The following KIAA1958 variants were observed in gnomAD, a reference collection of about 807,000 sequenced individuals.
KIAA1958 encodes the protein KIAA1958.
Under a neutral mutation model 47.2 loss-of-function variants are expected in KIAA1958, and 14 were observed. That is an observed-to-expected ratio of 0.30 (90% confidence interval 0.20 to 0.46). The LOEUF (loss-of-function observed/expected upper bound fraction) is 0.46, where lower values mean the gene tolerates loss of function less well. Among genes scored for constraint, KIAA1958 ranks in the 20% least tolerant of loss-of-function variants. The pLI, the probability that KIAA1958 is intolerant of heterozygous loss-of-function variation, is 1.00. For synonymous variants in KIAA1958, 354 were observed against 353.3 expected, an observed-to-expected ratio of 1.00 and a Z score of -0.02; for missense variants, 803 against 909.2, an observed-to-expected ratio of 0.88 and a Z score of 1.50.
chr9:112,613,977 T>C (rs1190547892), intron 2 of KIAA1958, among the ~76,000 whole-genome samples: 1 of 152,230 alleles, frequency 6.6e-6, no homozygotes, highest in Non-Finnish European at 1.5e-5. Context: ...ATGGCAGTTT[T>C]ATTGGAAATA....
intron 1 of KIAA1958, among the ~76,000 whole-genome samples, chr9:112,544,382 G>A (rs1253711904): frequency 1.3e-5 from 2 of 152,200 alleles, no homozygotes; most frequent in Non-Finnish European, 1.5e-5. Flanking sequence ...CTTAGTTGTT[G>A]GCATTTCTAG....
chr9:112,624,903 A>G (rs534821673), intron 2 of KIAA1958, among the ~76,000 whole-genome samples: 2 of 152,306 alleles, frequency 1.3e-5, no homozygotes, highest in East Asian at 1.9e-4. Flanking sequence ...GTGATTTTCA[A>G]TGCTGTGAAG....
At position 112,666,742 on chromosome 9, in the gene KIAA1958, A is replaced by G. The variant is rs1327040122; in HGVS notation, c.*6673A>G. ...CTGTGAAATTAAAAACATGAAAGCT[A>G]TTTAGTACTTGTCCTCTTCCCCAAT... On this transcript the variant is annotated 3_prime_UTR_variant, in exon 4 of 4. Transcript: ENST00000337530. 4 of 152,200 alleles carry G rather than the reference A, an allele frequency of 2.6e-5. No homozygotes were observed. Among genetic ancestry groups the G allele is most frequent in the Admixed American group, 2.0e-4 (3 of 15,278 alleles). The allele number at this position is 152,200 out of a possible 1,614,324, so 9.4% of individuals were successfully genotyped here.
chr9:112,526,796 CA>C (rs1834665617), intron 1 of KIAA1958, among the ~76,000 whole-genome samples: 1 of 152,214 alleles, frequency 6.6e-6, no homozygotes, highest in Non-Finnish European at 1.5e-5. Context: ...AATACTGTTA[CA>C]CTAGCAATTA....
At chr9:112,562,201 T>C (rs1236436406) in intron 1 of KIAA1958, among the ~76,000 whole-genome samples, 1 of 152,264 alleles carries the variant, frequency 6.6e-6, no homozygotes, top group African/African-American at 2.4e-5. Flanking sequence ...AAGCCCCTAA[T>C]TTCAGGTGAG....
chr9:112,642,559 C>T (rs143857514), intron 2 of KIAA1958, among the ~76,000 whole-genome samples: 4 of 152,276 alleles, frequency 2.6e-5, no homozygotes, highest in African/African-American at 7.2e-5. Flanking sequence ...TAAGGGCATC[C>T]GCAGCCTAAA....
intron 2 of KIAA1958, among the ~76,000 whole-genome samples, chr9:112,584,862 C>T (rs761723684): frequency 1.3e-5 from 2 of 152,182 alleles, no homozygotes; most frequent in African/African-American, 4.8e-5. Flanking sequence ...GGGTTGGCGA[C>T]CAGCATGCAC....
At chr9:112,585,526 G>A (rs1318916815) in intron 2 of KIAA1958, among the ~76,000 whole-genome samples, 4 of 152,196 alleles carry the variant, frequency 2.6e-5, no homozygotes, top group Admixed American at 6.5e-5. Context: ...TGTCCTCCAC[G>A]GGGCTCAGGG....
intron 2 of KIAA1958, among the ~76,000 whole-genome samples, chr9:112,579,472 G>A (rs143580621): frequency 1.8e-4 from 27 of 152,044 alleles, no homozygotes; most frequent in Middle Eastern, 3.4e-3. Flanking sequence ...TATTTTTGCA[G>A]GTAGTCAGGT....
intron 2 of KIAA1958, among the ~76,000 whole-genome samples, chr9:112,628,269 T>C (rs1436454802): frequency 6.6e-6 from 1 of 152,194 alleles, no homozygotes; most frequent in Non-Finnish European, 1.5e-5. Flanking sequence ...CTGTCACATA[T>C]GCAGCAACAG....
chr9:112,539,534 G>A (rs1834906227), intron 1 of KIAA1958, among the ~76,000 whole-genome samples: 1 of 151,952 alleles, frequency 6.6e-6, no homozygotes, highest in South Asian at 2.1e-4. Context: ...GTTGGGAGGG[G>A]GTAATTAGGT....
At chr9:112,578,379 A>G (rs1835685258) in intron 2 of KIAA1958, among the ~76,000 whole-genome samples, 1 of 152,208 alleles carries the variant, frequency 6.6e-6, no homozygotes, top group East Asian at 1.9e-4. Flanking sequence ...CGTACTTGGG[A>G]CTAAGCAAAG....
chr9:112,648,312 GA>G (rs1837009814), intron 3 of KIAA1958, among the ~76,000 whole-genome samples: 1 of 152,136 alleles, frequency 6.6e-6, no homozygotes. Flanking sequence ...CTGAATTAAG[GA>G]AATGGAGCTG....
rs745431005 is a variant in KIAA1958, at chr9:112,574,210, C to T, written c.130C>T (p.Leu44=). ...HLLSEGSHGN[L]TAMWGCSAGH... is the part of the protein sequence containing the mutation. ...GCTTTCTGAAGGTTCCCATGGGAAC[C>T]TGACAGCAATGTGGGGCTGTAGTGC... Residue 44 remains leucine (L), a synonymous_variant, in exon 2 of 4, where the codon CTG becomes TTG. Transcript: ENST00000337530. 5 of 1,614,138 alleles carry T rather than the reference C, an allele frequency of 3.1e-6. No individual in the cohort carries two copies. The Middle Eastern group carries it at 6.6e-4, about 213-fold the overall frequency.
In KIAA1958 at chr9:112,487,055, C is replaced by A; in HGVS notation, c.-88C>A. The A allele has an allele frequency of 4.5e-6, 1 of 223,448 alleles. No homozygotes were observed. Among genetic ancestry groups the A allele is most frequent in the Non-Finnish European group, 9.1e-6 (1 of 110,178 alleles). The allele number at this position is 223,448 out of a possible 1,614,324, so 13.8% of individuals were successfully genotyped here. A position where few individuals can be genotyped will look rare whatever the true frequency, so the allele number is the denominator to read the frequency against. Reference sequence around the variant, plus strand: ...GCCCGTCCCGTCCAGCCCGGGCTGCCCGGCTCTCGCAGGCCCCCCCGCGCC... The same window carrying A: ...GCCCGTCCCGTCCAGCCCGGGCTGCACGGCTCTCGCAGGCCCCCCCGCGCC... On this transcript the variant is annotated 5_prime_UTR_variant, in exon 1 of 4. Transcript: ENST00000337530.
In KIAA1958 at chr9:112,663,205, A is replaced by AG. The variant is rs1450220821; in HGVS notation, c.*3136_*3137insG. Reference sequence around the variant, plus strand: ...AGCTGTTGTCCACAGCACCTTTCATATCTGCTGTAAAGGGAGCCCTACTTT... The same window carrying AG: ...AGCTGTTGTCCACAGCACCTTTCATAGTCTGCTGTAAAGGGAGCCCTACTTT... On this transcript the variant is annotated 3_prime_UTR_variant, in exon 4 of 4. Transcript: ENST00000337530. 6.6e-6 allele frequency: 1 copy of AG among 152,188 alleles called. No individual in the cohort carries two copies. Among genetic ancestry groups the AG allele is most frequent in the Non-Finnish European group, 1.5e-5 (1 of 68,132 alleles). 9.4% of individuals were successfully genotyped at this position (152,188 alleles called of 1,614,324 possible). A position where few individuals can be genotyped will look rare whatever the true frequency, so the allele number is the denominator to read the frequency against.
chr9:112,626,721 C>T (rs534946592), intron 2 of KIAA1958, among the ~76,000 whole-genome samples: 2 of 151,746 alleles, frequency 1.3e-5, no homozygotes, highest in South Asian at 4.1e-4. Flanking sequence ...CTCAGATTAA[C>T]TTTATCTAAC....
intron 1 of KIAA1958, among the ~76,000 whole-genome samples, 187 bp from the exon 2 acceptor site, chr9:112,573,870 A>G (rs1002182288): frequency 6.6e-6 from 1 of 152,150 alleles, no homozygotes; most frequent in Non-Finnish European, 1.5e-5. Flanking sequence ...ATCAGTCATC[A>G]GCTGTTTTTA....
chr9:112,492,290 G>T (rs72762208), intron 1 of KIAA1958, among the ~76,000 whole-genome samples: 2,050 of 152,274 alleles, frequency 0.013, 17 homozygotes, highest in Non-Finnish European at 0.021. Flanking sequence ...TCCTAAGGTG[G>T]CTTCACTTGG....
Sources: allele counts gnomAD v4.1 joint callset (sites outside exome capture counted in the v4.1 genomes callset), GRCh38; gene constraint gnomAD v4.1.1; transcripts MANE v1.5; gene names NCBI Gene and HGNC (gene_info 2026-07-23, HGNC 2026-07-21).